Variants in ERCC6L2 observed in about 807,000 individuals in gnomAD.
ERCC6L2 encodes DNA excision repair protein ERCC-6-like 2.
ERCC6L2 carries 77 observed loss-of-function variants against 132.0 expected under a neutral mutation model. The ratio of observed to expected loss-of-function variants is 0.58; its 90% CI spans 0.49 to 0.71. The LOEUF is 0.71. Ranked by LOEUF, ERCC6L2 falls within the 30% of genes least tolerant of loss-of-function variation. ERCC6L2 has a pLI of 0.00. For missense variants in ERCC6L2, 1,542 were observed against 1,837.6 expected, an observed-to-expected ratio of 0.84 and a Z score of 2.94; for synonymous variants, 583 against 632.4, an observed-to-expected ratio of 0.92 and a Z score of 1.17.
chr9:95,966,690 T>C lies in ERCC6L2; in HGVS notation c.2076T>C (p.Ser692=). The part of the protein sequence containing the change: ...HNLFKFRSQG[S]CLTKDILERE... ...TCTTCAAATTTAGGTCCCAAGGGTC[T>C]TGTCTTACGAAGGACATCCTGGAGG... The change falls in exon 14 of 19, where the codon TCT becomes TCC. Residue 692 remains serine, a synonymous_variant. Coordinates refer to ENST00000653738, the MANE Select transcript of ERCC6L2 (RefSeq NM_020207.7). 6.7e-7 allele frequency: 1 copy of C among 1,487,090 alleles called. No homozygotes were observed. The highest frequency in any genetic ancestry group is 9.1e-7 in the Non-Finnish European group (1 of 1,097,450). The allele number at this position is 1,487,090 out of a possible 1,614,324, so 92.1% of individuals were successfully genotyped here. A position where few individuals can be genotyped will look rare whatever the true frequency, so the allele number is the denominator to read the frequency against.
rs1169579319 is a variant in ERCC6L2 at position 95,950,720 on chromosome 9, A to G, written c.1848-5194A>G. ...TTAATGTTAGACAAAATAGACTTCA[A>G]GTCGACAACTGTTAGAAGAAAGACA... On this transcript the variant is annotated intron_variant, in intron 12 of 18. Coordinates refer to ENST00000653738, the MANE Select transcript of ERCC6L2 (RefSeq NM_020207.7). Among the ~76,000 whole-genome samples, 5 of 152,214 alleles carry G rather than the reference A, an allele frequency of 3.3e-5. 1 individual carries two copies. The highest frequency in any genetic ancestry group is 1.2e-4 in the African/African-American group (5 of 41,462).
At chr9:95,922,211 A>C in intron 7 of ERCC6L2, 94 bp from the exon 8 acceptor site, 1 of 569,402 alleles carries the variant, frequency 1.8e-6, no homozygotes, top group Non-Finnish European at 3.1e-6. Flanking sequence ...AAGTAACCCG[A>C]TAATAAATGT....
intron 2 of ERCC6L2, among the ~76,000 whole-genome samples, chr9:95,889,074 A>G (rs1356076481): frequency 6.6e-6 from 1 of 152,188 alleles, no homozygotes; most frequent in Non-Finnish European, 1.5e-5. Flanking sequence ...TTTAAAAATC[A>G]TTAGTGGATT....
intron 11 of ERCC6L2, among the ~76,000 whole-genome samples, chr9:95,938,870 A>G (rs758178279): frequency 2.0e-5 from 3 of 151,886 alleles, no homozygotes; most frequent in Non-Finnish European, 4.4e-5. Flanking sequence ...TCCTATTTCT[A>G]GTTCCACTGT....
Position 95,916,263 on chromosome 9 carries a change from C to G in ERCC6L2, c.987C>G (p.Phe329Leu). The change falls in exon 6 of 19, where the codon TTC becomes TTG. Residue 329 changes from phenylalanine to leucine, a missense_variant. Physicochemically the swap from Phe to Leu is conservative, Grantham distance 22. This residue lies in a region of ERCC6L2 where 945 missense variants were observed against 1,105.2 expected (regional missense o/e 0.86). Transcript: ENST00000653738. ...GCCTTTTAGGGAGTGGGACCTACTT[C>G]AAGAAGCAGTTTTCTGACCCAGTAG... ...VPGLLGSGTY[F>L]KKQFSDPVEH... 5 of 1,614,048 alleles carry G rather than the reference C, an allele frequency of 3.1e-6. No homozygotes were observed. The highest frequency in any genetic ancestry group is 4.2e-6 in the Non-Finnish European group (5 of 1,179,984).
intron 17 of ERCC6L2, among the ~76,000 whole-genome samples, chr9:95,992,710 T>G (rs1833344007): frequency 6.6e-6 from 1 of 152,182 alleles, no homozygotes; most frequent in Admixed American, 6.5e-5. Context: ...GGTTGCCTTC[T>G]AATCAAATCA....
rs368008028 is a variant in ERCC6L2, at chr9:95,891,802, G to A, written c.472-6047G>A. On this transcript the variant is annotated intron_variant, in intron 2 of 18. Coordinates refer to ENST00000653738, the MANE Select transcript of ERCC6L2 (RefSeq NM_020207.7). ...TTGCATTTCTGTAATGGCCAATGAT[G>A]TTGAACATATTTTCATGTGCTTTTT... Among the ~76,000 whole-genome samples, 221 of 152,196 alleles carry A rather than the reference G, an allele frequency of 1.5e-3. 1 individual carries two copies. The highest frequency in any genetic ancestry group is 4.9e-3 in the African/African-American group (202 of 41,530).
At chr9:95,876,409 T>C in intron 1 of ERCC6L2, 1 of 310,102 alleles carries the variant, frequency 3.2e-6, no homozygotes, top group African/African-American at 2.1e-5. Context: ...AAAGTATTTA[T>C]GTGACCCCGC....
intron 16 of ERCC6L2, among the ~76,000 whole-genome samples, chr9:95,974,390 G>A (rs948534329): frequency 6.6e-5 from 10 of 152,192 alleles, no homozygotes; most frequent in African/African-American, 1.9e-4. Flanking sequence ...AACACATTTA[G>A]TGGGTCTCAA....
intron 17 of ERCC6L2, among the ~76,000 whole-genome samples, chr9:95,979,488 T>G (rs1471624614): frequency 6.6e-6 from 1 of 152,170 alleles, no homozygotes; most frequent in African/African-American, 2.4e-5. Context: ...GCACTCACTT[T>G]GAAGGAAATT....
intron 19 of ERCC6L2, among the ~76,000 whole-genome samples, chr9:96,028,435 G>GA (rs1269602660): frequency 6.6e-6 from 1 of 152,098 alleles, no homozygotes; most frequent in Non-Finnish European, 1.5e-5. Context: ...TTTTCCAACT[G>GA]AATGAGCCAC....
At chr9:96,020,399 T>C (rs1324754870), downstream of ERCC6L2, 2 of 249,020 alleles carry the variant, frequency 8.0e-6, no homozygotes, top group Admixed American at 1.0e-4. Flanking sequence ...CCCGGGATGC[T>C]CCAGAGGCCA....
intron 12 of ERCC6L2, among the ~76,000 whole-genome samples, chr9:95,944,675 G>GT (rs5899277): frequency 2.0e-5 from 3 of 151,622 alleles, no homozygotes; most frequent in South Asian, 4.2e-4. Flanking sequence ...TTTTACATAG[G>GT]TTTTTTTTCT....
At position 95,922,418 on chromosome 9, in the gene ERCC6L2, G is replaced by C; in HGVS notation, c.1413G>C (p.Gln471His). ...AAGCTGCTAGTACTTCCAAACAACA[G>C]GTTTGGTTAGCATTTTACATTTCTT... ...LLQAASTSKQ[Q>H]ETLIKRICDQ... The change falls in exon 8 of 19, where the codon CAG (glutamine) becomes CAC (histidine). Residue 471 changes from glutamine to histidine, a missense_variant and splice_region_variant. By Grantham distance (24) the Gln-to-His change is conservative. Transcript: ENST00000653738. The C allele has an allele frequency of 6.4e-7, 1 of 1,561,122 alleles. No homozygotes were observed. Among genetic ancestry groups the C allele is most frequent in the Non-Finnish European group, 8.8e-7 (1 of 1,133,512 alleles).
chr9:95,915,637 A>G (rs1279338856), intron 4 of ERCC6L2, 31 bp from the exon 5 acceptor site: 12 of 1,573,330 alleles, frequency 7.6e-6, no homozygotes, highest in Admixed American at 5.8e-5. Flanking sequence ...AAGTTTTCTC[A>G]ACCTCACCCT....
intron 17 of ERCC6L2, among the ~76,000 whole-genome samples, chr9:95,999,971 C>G (rs1258351488): frequency 6.6e-6 from 1 of 151,456 alleles, no homozygotes; most frequent in East Asian, 1.9e-4. Flanking sequence ...TCACTGCAAC[C>G]TCCGACTCCC....
At chr9:95,924,567 C>T (rs942570051) in intron 9 of ERCC6L2, among the ~76,000 whole-genome samples, 1 of 152,046 alleles carries the variant, frequency 6.6e-6, no homozygotes, top group Non-Finnish European at 1.5e-5. Flanking sequence ...ATTATAGCCT[C>T]CTCTGAAAAC....
At chr9:95,959,600 A>G (rs1008415355) in intron 13 of ERCC6L2, among the ~76,000 whole-genome samples, 17 of 152,112 alleles carry the variant, frequency 1.1e-4, no homozygotes, top group African/African-American at 3.4e-4. Flanking sequence ...GGCAGCCTAC[A>G]AAATGGGAGA....
chr9:95,949,459 C>A (rs765421444), intron 12 of ERCC6L2, among the ~76,000 whole-genome samples: 34 of 151,968 alleles, frequency 2.2e-4, no homozygotes, highest in Non-Finnish European at 4.4e-4. Flanking sequence ...AGAAAAGCAA[C>A]ATGTCATGTA....
Sources: allele counts gnomAD v4.1 joint callset (sites outside exome capture counted in the v4.1 genomes callset), GRCh38; gene constraint gnomAD v4.1.1; regional missense constraint gnomAD v4.1.1; transcripts MANE v1.5; gene names NCBI Gene and HGNC (gene_info 2026-07-23, HGNC 2026-07-21).